Variants in FGF14 observed in about 807,000 individuals in gnomAD.
The protein encoded by FGF14 is fibroblast growth factor 14.
In FGF14, 5 loss-of-function variants were observed where a neutral mutation model predicts 25.5. The observed-to-expected ratio is 0.20, with a 90% confidence interval of 0.10 to 0.41. FGF14 has a LOEUF of 0.41. Among genes scored for constraint, FGF14 ranks in the 10% least tolerant of loss-of-function variants. The probability of loss-of-function intolerance (pLI) is 1.00; values close to 1 mark genes in which losing one functional copy is unlikely to be tolerated. For missense variants in FGF14, 222 were observed against 320.1 expected (o/e 0.69, Z 2.34); for synonymous variants, 138 against 118.3 (o/e 1.17, Z -1.08).
intron 1 of FGF14, among the ~76,000 whole-genome samples, chr13:102,278,225 G>A (rs769177888): frequency 5.3e-5 from 8 of 152,206 alleles, no homozygotes; most frequent in Admixed American, 6.5e-5. Flanking sequence ...TCTGAAGAGT[G>A]CCTTTCTTCA....
intron 1 of FGF14, among the ~76,000 whole-genome samples, chr13:102,382,820 A>T (rs191782105): frequency 6.6e-6 from 1 of 152,288 alleles, no homozygotes; most frequent in East Asian, 1.9e-4. Flanking sequence ...TTCATGCTTG[A>T]ATCTTGAAAA....
intron 1 of FGF14, among the ~76,000 whole-genome samples, chr13:102,275,367 T>C (rs1330776253): frequency 6.6e-6 from 1 of 151,816 alleles, no homozygotes; most frequent in East Asian, 1.9e-4. Flanking sequence ...TATTATCTAA[T>C]GAAGAATTTA....
At chr13:102,329,016 G>A (rs1046007442) in intron 1 of FGF14, among the ~76,000 whole-genome samples, 9 of 152,022 alleles carry the variant, frequency 5.9e-5, no homozygotes, top group East Asian at 1.9e-4. Context: ...GTTCCAGTTC[G>A]TTCCTGACCT....
chr13:102,192,600 T>C (rs2049172340), intron 1 of FGF14, among the ~76,000 whole-genome samples: 1 of 152,284 alleles, frequency 6.6e-6, no homozygotes, highest in African/African-American at 2.4e-5. Flanking sequence ...CCTTCAACAA[T>C]TTGATTAGGT....
At chr13:101,904,344 G>C (rs1017881216) in intron 1 of FGF14, among the ~76,000 whole-genome samples, 4 of 151,790 alleles carry the variant, frequency 2.6e-5, no homozygotes, top group African/African-American at 9.7e-5. Context: ...GAAATTTGGG[G>C]TATTTTCTTA....
At chr13:102,287,640 G>A (rs1594734859) in intron 1 of FGF14, among the ~76,000 whole-genome samples, 1 of 152,162 alleles carries the variant, frequency 6.6e-6, no homozygotes, top group East Asian at 1.9e-4. Context: ...ATTTTTAAAT[G>A]TTCTTGTTTT....
chr13:102,386,895 G>A (rs188914194), intron 1 of FGF14, among the ~76,000 whole-genome samples: 6 of 152,314 alleles, frequency 3.9e-5, no homozygotes, highest in South Asian at 2.1e-4. Context: ...ACTCATTTGC[G>A]AAAAGTTTGA....
At chr13:101,801,594 T>C (rs2040873724) in intron 3 of FGF14, among the ~76,000 whole-genome samples, 1 of 152,224 alleles carries the variant, frequency 6.6e-6, no homozygotes, top group Non-Finnish European at 1.5e-5. Flanking sequence ...AAGCTAGTTC[T>C]GACTGATCTA....
chr13:101,988,780 A>G (rs1424107981), intron 1 of FGF14, among the ~76,000 whole-genome samples: 1 of 152,030 alleles, frequency 6.6e-6, no homozygotes, highest in Non-Finnish European at 1.5e-5. Flanking sequence ...TGGGTGCAGC[A>G]CACGAACATG....
intron 1 of FGF14, among the ~76,000 whole-genome samples, chr13:102,273,855 C>T (rs2053372349): frequency 6.6e-6 from 1 of 150,820 alleles, no homozygotes. Context: ...GGGAGAATTG[C>T]TTGAGCCCTG....
At chr13:102,041,149 T>C (rs769368224) in intron 1 of FGF14, among the ~76,000 whole-genome samples, 85 of 152,092 alleles carry the variant, frequency 5.6e-4, no homozygotes, top group Non-Finnish European at 9.1e-4. Context: ...AAAAAATTTA[T>C]ATAACTTTCT....
intron 3 of FGF14, among the ~76,000 whole-genome samples, chr13:101,775,759 G>A (rs2039067165): frequency 6.6e-6 from 1 of 152,126 alleles, no homozygotes; most frequent in African/African-American, 2.4e-5. Context: ...TGAGGAGGCT[G>A]TGTTCCCCCT....
rs768409224 is a variant in FGF14, at chr13:101,715,701, G to C, written c.*7130C>G. 1 of 1,293,182 alleles carries C rather than the reference G, an allele frequency of 7.7e-7. No individual in the cohort carries two copies. The highest frequency in any genetic ancestry group is 1.5e-5 in the African/African-American group (1 of 68,640). 80.1% of individuals were successfully genotyped at this position (1,293,182 alleles called of 1,614,324 possible). Reference sequence around the variant, plus strand: ...GATTCTTATTTTTTCTGGGCCATTAGAACAGATAAATGCGAAGGAAACCAT... The same window carrying C: ...GATTCTTATTTTTTCTGGGCCATTACAACAGATAAATGCGAAGGAAACCAT... On this transcript the variant is annotated 3_prime_UTR_variant, in exon 5 of 5. Coordinates refer to ENST00000376143, the MANE Select transcript of FGF14 (RefSeq NM_004115.4).
chr13:101,982,039 T>C (rs1220471945), intron 1 of FGF14, among the ~76,000 whole-genome samples: 1 of 152,126 alleles, frequency 6.6e-6, no homozygotes, highest in African/African-American at 2.4e-5. Flanking sequence ...GAAAAATGAG[T>C]GGGACCAATG....
At chr13:102,308,762 C>A (rs1208206715) in intron 1 of FGF14, among the ~76,000 whole-genome samples, 1 of 152,066 alleles carries the variant, frequency 6.6e-6, no homozygotes, top group African/African-American at 2.4e-5. Context: ...ATCTGCCAAT[C>A]TGCCCTCACA....
At chr13:102,061,864 CT>C (rs1470901784) in intron 1 of FGF14, among the ~76,000 whole-genome samples, 8 of 152,180 alleles carry the variant, frequency 5.3e-5, no homozygotes, top group Non-Finnish European at 1.2e-4. Flanking sequence ...AACTTCACTG[CT>C]GTTCACGTAA....
chr13:101,859,314 T>C (rs1266210048), intron 3 of FGF14, among the ~76,000 whole-genome samples: 1 of 152,172 alleles, frequency 6.6e-6, no homozygotes, highest in Non-Finnish European at 1.5e-5. Flanking sequence ...TCACAGATTC[T>C]GAGAAAAGAT....
intron 3 of FGF14, among the ~76,000 whole-genome samples, chr13:101,849,263 A>G (rs1045413538): frequency 6.6e-6 from 1 of 152,070 alleles, no homozygotes; most frequent in African/African-American, 2.4e-5. Flanking sequence ...TTTTCTGAGG[A>G]CTGGAAGGGA....
In FGF14 at chr13:102,206,128, A is replaced by AACACACACAC. The variant is rs59340568; in HGVS notation, c.208+195333_208+195342dup. The stretch of plus-strand genomic sequence containing the variant: ...ACTAATTCACACTAGTCAACCTTCA[A>AACACACACAC]ACACACACACACACACACACACGGG... On this transcript the variant is annotated intron_variant, in intron 1 of 4. Transcript: ENST00000376131. 2.6e-3 allele frequency among the ~76,000 whole-genome samples: 386 copies of AACACACACAC among 147,050 alleles called. 3 individuals carry two copies. The highest frequency in any genetic ancestry group is 3.8e-3 in the Non-Finnish European group (256 of 66,680).
Sources: gnomAD v4.1 joint callset for allele counts (sites outside exome capture counted in the v4.1 genomes callset) on GRCh38, gnomAD v4.1.1 for gene constraint, MANE v1.5 for transcripts, NCBI Gene and HGNC (gene_info 2026-07-23, HGNC 2026-07-21) for gene names.